GPR62: variants seen among roughly 807,000 people sequenced by gnomAD.
GPR62 encodes G protein-coupled receptor 62.
For synonymous variants in GPR62, 280 were observed against 286.9 expected (o/e 0.98, Z 0.24); for missense variants, 513 against 541.5 (o/e 0.95, Z 0.52).
Position 51,956,464 on chromosome 3 carries a change from C to A in GPR62, c.812C>A (p.Ala271Asp), listed in dbSNP as rs1342324121. 1 of 1,549,188 alleles carries A rather than the reference C, an allele frequency of 6.5e-7. No individual in the cohort carries two copies. Among genetic ancestry groups the A allele is most frequent in the Admixed American group, 2.0e-5 (1 of 50,756 alleles). Residue 271 changes from alanine (A) to aspartate (D), a missense_variant, in exon 1 of 1, where the codon GCC (alanine) becomes GAC (aspartate). Transcript: ENST00000322241. The stretch of plus-strand genomic sequence containing the variant: ...GCGCCCGCAGCGCGGGCCGCGGAAG[C>A]CGAAGCGGCTGTCACCTGGGTCGCC... ...CLAPAARAAE[A>D]EAAVTWVAYS...
In GPR62 at chr3:51,955,423, G is replaced by T; in HGVS notation, c.-230G>T. ...GGGCTGAGTTGCTGGAGCTGGGCTG[G>T]GGCAGGGGAGAAAGACAGCAGACTC... On this transcript the variant is annotated 5_prime_UTR_variant, in exon 1 of 1. Coordinates refer to ENST00000322241, the MANE Select transcript of GPR62 (RefSeq NM_080865.4). The T allele has an allele frequency of 2.3e-6, 1 of 432,012 alleles. No homozygotes were observed. The highest frequency in any genetic ancestry group is 4.1e-6 in the Non-Finnish European group (1 of 243,066). 26.8% of individuals were successfully genotyped at this position (432,012 alleles called of 1,614,324 possible). A position where few individuals can be genotyped will look rare whatever the true frequency, so the allele number is the denominator to read the frequency against.
In GPR62 at chr3:51,955,629, G is replaced by C. The variant is rs75425349; in HGVS notation, c.-24G>C. On this transcript the variant is annotated 5_prime_UTR_variant, in exon 1 of 1. Transcript: ENST00000322241. Reference sequence around the variant, plus strand: ...TCCATTCTGCCATCTACATCCCAGCGCAGGGTGAAGCCTGAGAGCCCAAAT... The same window carrying C: ...TCCATTCTGCCATCTACATCCCAGCCCAGGGTGAAGCCTGAGAGCCCAAAT... 4.1e-3 allele frequency: 6,311 copies of C among 1,541,014 alleles called. 230 individuals are homozygous for C. In the African/African-American group the frequency reaches 0.075, roughly 18 times the overall value.
rs1699869165 is a variant in GPR62 at position 51,957,199 on chromosome 3, GGA to G, written c.*444_*445del. 5.5e-6 allele frequency: 1 copy of G among 182,902 alleles called. No individual in the cohort carries two copies. Among genetic ancestry groups the G allele is most frequent in the Non-Finnish European group, 1.3e-5 (1 of 79,600 alleles). 11.3% of individuals were successfully genotyped at this position (182,902 alleles called of 1,614,324 possible). A position where few individuals can be genotyped will look rare whatever the true frequency, so the allele number is the denominator to read the frequency against. ...AGGACTTCCCTGACATCTGCACCAAGGAGAGTCTGGACAAAGCTACTGAAACT... is the reference window on the plus strand; with the variant it reads ...AGGACTTCCCTGACATCTGCACCAAGGAGTCTGGACAAAGCTACTGAAACT... On this transcript the variant is annotated 3_prime_UTR_variant, in exon 1 of 1. Coordinates refer to ENST00000322241, the MANE Select transcript of GPR62 (RefSeq NM_080865.4).
Position 51,956,572 on chromosome 3 carries a change from G to C in GPR62, c.920G>C (p.Arg307Pro). The change falls in exon 1 of 1, where the codon CGT (arginine) becomes CCT (proline). Residue 307 changes from arginine (R) to proline (P), a missense_variant. Coordinates refer to ENST00000322241, the MANE Select transcript of GPR62 (RefSeq NM_080865.4). ...TTGGCACTGGGCCGCCTCTCTCGCC[G>C]TGCACTGCCTGGACCTGTGCGGGCC... ...VRLALGRLSRRALPGPVRACT... is the reference protein window; with the variant it reads ...VRLALGRLSRPALPGPVRACT... 1 of 1,611,374 alleles carries C rather than the reference G, an allele frequency of 6.2e-7. No individual in the cohort carries two copies. The highest frequency in any genetic ancestry group is 1.7e-4 in the Middle Eastern group (1 of 6,060).
In GPR62 at chr3:51,955,539, G is replaced by T; in HGVS notation, c.-114G>T. The T allele has an allele frequency of 1.1e-6, 1 of 940,582 alleles. No homozygotes were observed. The highest frequency in any genetic ancestry group is 1.5e-6 in the Non-Finnish European group (1 of 651,974). 58.3% of individuals were successfully genotyped at this position (940,582 alleles called of 1,614,324 possible). The stretch of plus-strand genomic sequence containing the variant: ...ACCTCCTGGGCAGCCAATGAGGTGA[G>T]GGGCCGGAGGAGCAAGGGACAAGAG... On this transcript the variant is annotated 5_prime_UTR_variant, in exon 1 of 1. The change creates a new upstream start codon in the 5' untranslated region. Coordinates refer to ENST00000322241, the MANE Select transcript of GPR62 (RefSeq NM_080865.4).
rs1577667210 is a variant in GPR62, at chr3:51,956,953, A to C, written c.*194A>C. 1 of 943,006 alleles carries C rather than the reference A, an allele frequency of 1.1e-6. No homozygotes were observed. Among genetic ancestry groups the C allele is most frequent in the South Asian group, 2.5e-5 (1 of 39,530 alleles). 58.4% of individuals were successfully genotyped at this position (943,006 alleles called of 1,614,324 possible). A position where few individuals can be genotyped will look rare whatever the true frequency, so the allele number is the denominator to read the frequency against. ...ACTGCATAGCACTGTGCATAGGCCG[A>C]CCCTTCCTTAGGCCTCAGCTTTCCC... is the stretch of plus-strand genomic sequence containing the variant. On this transcript the variant is annotated 3_prime_UTR_variant, in exon 1 of 1. Transcript: ENST00000322241.
Position 51,956,770 on chromosome 3 carries a change from G to T in GPR62, c.*11G>T. On this transcript the variant is annotated 3_prime_UTR_variant, in exon 1 of 1. Coordinates refer to ENST00000322241, the MANE Select transcript of GPR62 (RefSeq NM_080865.4). ...AGTTCTCTCTCCTGAGCAGGAGAAA[G>T]GAGGGTGGTTTCCGTGGGGGCTCAT... The T allele has an allele frequency of 6.3e-7, 1 of 1,577,496 alleles. No homozygotes were observed. Among genetic ancestry groups the T allele is most frequent in the Non-Finnish European group, 8.6e-7 (1 of 1,163,376 alleles).
chr3:51,955,618 T>C lies in GPR62; in HGVS notation c.-35T>C. 6.6e-7 allele frequency: 1 copy of C among 1,503,818 alleles called. No homozygotes were observed. The highest frequency in any genetic ancestry group is 9.0e-7 in the Non-Finnish European group (1 of 1,112,312). The allele number at this position is 1,503,818 out of a possible 1,614,324, so 93.2% of individuals were successfully genotyped here. A position where few individuals can be genotyped will look rare whatever the true frequency, so the allele number is the denominator to read the frequency against. On this transcript the variant is annotated 5_prime_UTR_variant, in exon 1 of 1. Transcript: ENST00000322241. ...CAGCTTTAGGCTCCATTCTGCCATC[T>C]ACATCCCAGCGCAGGGTGAAGCCTG...
In GPR62 at chr3:51,956,472, G is replaced by T. The variant is rs1322609537; in HGVS notation, c.820G>T (p.Ala274Ser). ...PAARAAEAEA[A>S]VTWVAYSAFA... ...AGCGCGGGCCGCGGAAGCCGAAGCGGCTGTCACCTGGGTCGCCTACTCGGC... is the reference window on the plus strand; with the variant it reads ...AGCGCGGGCCGCGGAAGCCGAAGCGTCTGTCACCTGGGTCGCCTACTCGGC... The change falls in exon 1 of 1, where the codon GCT (alanine) becomes TCT (serine). Residue 274 changes from alanine to serine, a missense_variant. Coordinates refer to ENST00000322241, the MANE Select transcript of GPR62 (RefSeq NM_080865.4). 3.8e-6 allele frequency: 6 copies of T among 1,561,590 alleles called. No homozygotes were observed. The highest frequency in any genetic ancestry group is 5.2e-6 in the Non-Finnish European group (6 of 1,158,290).
rs1322928917 is a variant in GPR62, at chr3:51,955,985, G to C, written c.333G>C (p.Leu111=). The C allele has an allele frequency of 2.1e-6, 3 of 1,432,334 alleles. No individual in the cohort carries two copies. The East Asian group carries it at 9.7e-5, about 46-fold the overall frequency. 88.7% of individuals were successfully genotyped at this position (1,432,334 alleles called of 1,614,324 possible). Residue 111 remains leucine (L), a synonymous_variant, in exon 1 of 1, where the codon CTG becomes CTC. Transcript: ENST00000322241. ...CGCTCGGGGTGGCCGCACTTGGCCT[G>C]GCACGCTACCGCCTCATCGTGCACC... ...ACTLGVAALG[L]ARYRLIVHPL...
Position 51,955,741 on chromosome 3 carries a change from T to C in GPR62, c.89T>C (p.Leu30Pro). Residue 30 changes from leucine (L) to proline (P), a missense_variant, in exon 1 of 1, where the codon CTG becomes CCG. Physicochemically the swap from Leu to Pro is moderately conservative, Grantham distance 98 (BLOSUM62 -3). Coordinates refer to ENST00000322241, the MANE Select transcript of GPR62 (RefSeq NM_080865.4). Reference protein sequence around the residue: ...LAAVVEVGALLGNGALLVVVL... With the variant: ...LAAVVEVGALPGNGALLVVVL... ...GCTGTCGTGGAGGTGGGGGCACTGC[T>C]GGGCAACGGCGCGCTGCTGGTCGTG... 1.9e-6 allele frequency: 3 copies of C among 1,607,156 alleles called. No individual in the cohort carries two copies. Among genetic ancestry groups the C allele is most frequent in the Non-Finnish European group, 2.5e-6 (3 of 1,177,042 alleles).
chr3:51,956,699 C>A lies in GPR62; in HGVS notation c.1047C>A (p.Pro349=), dbSNP rs1409011686. 1.2e-6 allele frequency: 2 copies of A among 1,612,644 alleles called. No individual in the cohort carries two copies. The highest frequency in any genetic ancestry group is 1.7e-5 in the Admixed American group (1 of 59,880). ...VGPSEAPEQT[P]ELAGGRSPAY... is the part of the protein sequence containing the mutation. ...CTTCTGAGGCTCCAGAACAGACCCC[C>A]GAGTTGGCAGGAGGGCGGAGCCCCG... Residue 349 remains proline (P), a synonymous_variant, in exon 1 of 1, where the codon CCC becomes CCA. Transcript: ENST00000322241.
At position 51,956,268 on chromosome 3, in the gene GPR62, C is replaced by G; in HGVS notation, c.616C>G (p.Pro206Ala). 1 of 1,563,310 alleles carries G rather than the reference C, an allele frequency of 6.4e-7. No individual in the cohort carries two copies. Among genetic ancestry groups the G allele is most frequent in the Non-Finnish European group, 8.6e-7 (1 of 1,166,188 alleles). Residue 206 changes from proline to alanine, a missense_variant, in exon 1 of 1, where the codon CCC becomes GCC. Physicochemically the swap from Pro to Ala is conservative, Grantham distance 27 (BLOSUM62 -1). Transcript: ENST00000322241. ...GGTGGCGCGTCGCGCTGCCCTGAGG[C>G]CCCCACGGCCGGCGCGCGGGTCCCG... is the stretch of plus-strand genomic sequence containing the variant. ...FVVARRAALR[P>A]PRPARGSRLH... is the part of the protein sequence containing the mutation.
rs765782196 is a variant in GPR62 at position 51,955,646 on chromosome 3, A to G, written c.-7A>G. ...ATCCCAGCGCAGGGTGAAGCCTGAG[A>G]GCCCAAATGGCCAACTCCACAGGGC... On this transcript the variant is annotated 5_prime_UTR_variant, in exon 1 of 1. Coordinates refer to ENST00000322241, the MANE Select transcript of GPR62 (RefSeq NM_080865.4). The G allele has an allele frequency of 6.3e-7, 1 of 1,584,174 alleles. No individual in the cohort carries two copies. The highest frequency in any genetic ancestry group is 1.8e-5 in the Admixed American group (1 of 57,102).
chr3:51,956,077 T>G lies in GPR62; in HGVS notation c.425T>G (p.Leu142Arg). 1 of 1,426,976 alleles carries G rather than the reference T, an allele frequency of 7.0e-7. No individual in the cohort carries two copies. Among genetic ancestry groups the G allele is most frequent in the Non-Finnish European group, 9.1e-7 (1 of 1,096,152 alleles). The allele number at this position is 1,426,976 out of a possible 1,614,324, so 88.4% of individuals were successfully genotyped here. A position where few individuals can be genotyped will look rare whatever the true frequency, so the allele number is the denominator to read the frequency against. ...ACCGCCGTGTGGGCCGCGGCGGGACTGCTGGGCGCGCTCTCCCTGCTCGGC... is the reference window on the plus strand; with the variant it reads ...ACCGCCGTGTGGGCCGCGGCGGGACGGCTGGGCGCGCTCTCCCTGCTCGGC... The part of the protein sequence containing the change: ...VLTAVWAAAG[L>R]LGALSLLGTP... Residue 142 changes from leucine to arginine, a missense_variant, in exon 1 of 1, where the codon CTG becomes CGG. Leu to Arg is a moderately radical substitution (Grantham distance 102). Transcript: ENST00000322241.
Position 51,957,010 on chromosome 3 carries a change from T to G in GPR62, c.*251T>G. On this transcript the variant is annotated 3_prime_UTR_variant, in exon 1 of 1. Transcript: ENST00000322241. ...ACCCTGCAGCATCTCTAAGGGCCCC[T>G]CCAGCATAGGTGGTTTGTGAAACTC... 1.9e-6 allele frequency: 1 copy of G among 525,158 alleles called. No homozygotes were observed. The highest frequency in any genetic ancestry group is 3.1e-6 in the Non-Finnish European group (1 of 317,736). 32.5% of individuals were successfully genotyped at this position (525,158 alleles called of 1,614,324 possible). A position where few individuals can be genotyped will look rare whatever the true frequency, so the allele number is the denominator to read the frequency against.
Position 51,956,648 on chromosome 3 carries a change from A to G in GPR62, c.996A>G (p.Arg332=). 6.2e-7 allele frequency: 1 copy of G among 1,612,592 alleles called. No individual in the cohort carries two copies. The highest frequency in any genetic ancestry group is 1.1e-5 in the South Asian group (1 of 91,074). ...HPRALLQCLQ[R]PPEGPAVGPS... Reference sequence around the variant, plus strand: ...GGGCACTCTTGCAATGCCTCCAGAGACCCCCAGAGGGCCCTGCCGTAGGCC... The same window carrying G: ...GGGCACTCTTGCAATGCCTCCAGAGGCCCCCAGAGGGCCCTGCCGTAGGCC... The change falls in exon 1 of 1, where the codon AGA becomes AGG. Residue 332 remains arginine (R), a synonymous_variant. Transcript: ENST00000322241.
In GPR62 at chr3:51,956,267, G is replaced by T; in HGVS notation, c.615G>T (p.Arg205Ser). 1 of 1,563,144 alleles carries T rather than the reference G, an allele frequency of 6.4e-7. No homozygotes were observed. ...IFVVARRAAL[R>S]PPRPARGSRL... ...TGGTGGCGCGTCGCGCTGCCCTGAGGCCCCCACGGCCGGCGCGCGGGTCCC... is the reference window on the plus strand; with the variant it reads ...TGGTGGCGCGTCGCGCTGCCCTGAGTCCCCCACGGCCGGCGCGCGGGTCCC... The change falls in exon 1 of 1, where the codon AGG becomes AGT. Residue 205 changes from arginine (R) to serine (S), a missense_variant. Coordinates refer to ENST00000322241, the MANE Select transcript of GPR62 (RefSeq NM_080865.4).
At position 51,955,844 on chromosome 3, in the gene GPR62, C is replaced by T; in HGVS notation, c.192C>T (p.Ser64=). ...TCGTGGACCTGCTGGCGGCCGCCTC[C>T]ATCATGCCGCTGGGCCTGCTGGCCG... The part of the protein sequence containing the change: ...LCVVDLLAAA[S]IMPLGLLAAP... The change falls in exon 1 of 1, where the codon TCC becomes TCT. Residue 64 remains serine, a synonymous_variant. Coordinates refer to ENST00000322241, the MANE Select transcript of GPR62 (RefSeq NM_080865.4). The T allele has an allele frequency of 6.6e-7, 1 of 1,509,214 alleles. No individual in the cohort carries two copies. Among genetic ancestry groups the T allele is most frequent in the Non-Finnish European group, 8.8e-7 (1 of 1,134,918 alleles). 93.5% of individuals were successfully genotyped at this position (1,509,214 alleles called of 1,614,324 possible).
Sources: gnomAD v4.1 joint callset for allele counts on GRCh38, gnomAD v4.1.1 for gene constraint, MANE v1.5 for transcripts, NCBI Gene and HGNC (gene_info 2026-07-23, HGNC 2026-07-21) for gene names.